The following TP73 variants were observed in gnomAD, a reference collection of about 807,000 sequenced individuals.
TP73 encodes p53-like transcription factor.
Under a neutral mutation model 62.5 loss-of-function variants are expected in TP73, and 25 were observed. The observed-to-expected ratio is 0.40, with a 90% CI of 0.29 to 0.56. The LOEUF is 0.56. TP73 is among the 20% of genes least tolerant of loss of function. The pLI, the probability that TP73 is intolerant of heterozygous loss-of-function variation, is 0.46. For synonymous variants in TP73, 423 were observed against 377.5 expected (o/e 1.12, Z -1.40); for missense variants, 754 against 913.3 (o/e 0.83, Z 2.25).
intron 1 of TP73, among the ~76,000 whole-genome samples, chr1:3,667,749 CA>C (rs543070938): frequency 0.24 from 20,607 of 85,244 alleles, 1,817 homozygotes; most frequent in African/African-American, 0.38. Context: ...GATTCTGTCT[CA>C]AAAAAAAAAA....
chr1:3,680,717 C>A (rs1389495148), intron 1 of TP73, among the ~76,000 whole-genome samples: 1 of 152,214 alleles, frequency 6.6e-6, no homozygotes, highest in Non-Finnish European at 1.5e-5. Context: ...CCAGCCTCAG[C>A]TGGACCTGCG....
chr1:3,729,436 T>A lies in TP73; in HGVS notation c.1184T>A (p.Leu395His), dbSNP rs2124533337. The A allele has an allele frequency of 1.9e-6, 3 of 1,612,706 alleles. No individual in the cohort carries two copies. Among genetic ancestry groups the A allele is most frequent in the Non-Finnish European group, 2.5e-6 (3 of 1,179,934 alleles). The stretch of plus-strand genomic sequence containing the variant: ...GACTCCTATCGGCAGCAGCAGCAGC[T>A]CCTACAGAGGCCGTGAGTCAGCCCT... ...LVDSYRQQQQ[L>H]LQRPSHLQPP... The change falls in exon 10 of 14, where the codon CTC becomes CAC. Residue 395 changes from leucine to histidine, a missense_variant. By Grantham distance (99) the Leu-to-His change is moderately conservative (BLOSUM62 -3). Coordinates refer to ENST00000378295, the MANE Select transcript of TP73 (RefSeq NM_005427.4).
intron 1 of TP73, among the ~76,000 whole-genome samples, chr1:3,656,729 C>T (rs986874476): frequency 6.6e-6 from 1 of 152,220 alleles, no homozygotes; most frequent in Admixed American, 6.5e-5. Flanking sequence ...CACCTAGGAC[C>T]GTGGAACATT....
intron 4 of TP73, among the ~76,000 whole-genome samples, chr1:3,718,669 G>A (rs1391716262): frequency 6.6e-6 from 1 of 152,152 alleles, no homozygotes; most frequent in Non-Finnish European, 1.5e-5. Context: ...CGCAGGCTTG[G>A]TTGCACCCAG....
At chr1:3,700,374 C>T (rs902365226) in intron 3 of TP73, among the ~76,000 whole-genome samples, 1 of 152,198 alleles carries the variant, frequency 6.6e-6, no homozygotes, top group Non-Finnish European at 1.5e-5. Context: ...CGTGACCTCC[C>T]ATGCCTTGCT....
rs1433313277 is a variant in TP73 at position 3,666,635 on chromosome 1, C to CCT, written c.-34+13994_-34+13995insCT. 1.3e-5 allele frequency among the ~76,000 whole-genome samples: 2 copies of CCT among 152,142 alleles called. No individual in the cohort carries two copies. Among genetic ancestry groups the CCT allele is most frequent in the Admixed American group, 1.3e-4 (2 of 15,278 alleles). On this transcript the variant is annotated intron_variant, in intron 1 of 13. Coordinates refer to ENST00000378295, the MANE Select transcript of TP73 (RefSeq NM_005427.4). This position sits in a 1 kb window ranked among gnomAD's most constrained non-coding sequence, Gnocchi z 6.4. ...CTCCTGCCCACCTCCCTGGCCTTGG[C>CCT]TGCAGGCTAGGGTGCCCTTTGACCT...
intron 4 of TP73, among the ~76,000 whole-genome samples, chr1:3,715,359 G>A (rs948246236): frequency 6.6e-6 from 1 of 152,134 alleles, no homozygotes; most frequent in Admixed American, 6.5e-5. Context: ...CGTCTTCCTG[G>A]AACCCAGGGG....
At chr1:3,703,080 G>A (rs934253580) in intron 3 of TP73, among the ~76,000 whole-genome samples, 1 of 152,084 alleles carries the variant, frequency 6.6e-6, no homozygotes, top group African/African-American at 2.4e-5. Context: ...AGGCCTAAGG[G>A]GGAGGTCAGA....
intron 3 of TP73, among the ~76,000 whole-genome samples, chr1:3,692,695 C>T (rs1475984091): frequency 6.6e-6 from 1 of 152,230 alleles, no homozygotes; most frequent in East Asian, 1.9e-4. Flanking sequence ...AGTGTCGCTG[C>T]CTGGCCAGCC....
intron 1 of TP73, among the ~76,000 whole-genome samples, chr1:3,678,205 C>T (rs182061591): frequency 2.2e-3 from 340 of 152,284 alleles, no homozygotes; most frequent in Middle Eastern, 6.8e-3. Context: ...CCCTTGTGAA[C>T]GAATTTTCAA....
intron 3 of TP73, among the ~76,000 whole-genome samples, chr1:3,688,099 T>G (rs935688966): frequency 1.5e-4 from 23 of 152,036 alleles, no homozygotes; most frequent in Admixed American, 2.0e-4. Context: ...GATCTGTAGC[T>G]GGAGGAAGGG....
chr1:3,707,926 G>T (rs1639811319), intron 4 of TP73, 135 bp downstream of exon 4: 18 of 1,401,184 alleles, frequency 1.3e-5, no homozygotes, highest in Non-Finnish European at 1.7e-5. Context: ...CCCGGGCCAG[G>T]AGGAGCATCG....
At position 3,715,649 on chromosome 1, in the gene TP73, G is replaced by A. The variant is rs543673100; in HGVS notation, c.430-6372G>A. ...ACCCAGGTGCCCCATTCCCTGGCAG[G>A]TGGACAGCACTCACTGTCTCCCCAG... On this transcript the variant is annotated intron_variant, in intron 4 of 13. Coordinates refer to ENST00000378295, the MANE Select transcript of TP73 (RefSeq NM_005427.4). Among the ~76,000 whole-genome samples the A allele has an allele frequency of 7.2e-5, 11 of 152,280 alleles. No homozygotes were observed. In the East Asian group the frequency reaches 2.1e-3, roughly 29 times the overall value.
chr1:3,695,301 C>T (rs553647644), intron 3 of TP73, among the ~76,000 whole-genome samples: 2 of 152,338 alleles, frequency 1.3e-5, no homozygotes, highest in East Asian at 3.9e-4. Flanking sequence ...GTTCATGGCC[C>T]CTTGCCCCCC....
chr1:3,730,400 C>T (rs997317872), intron 11 of TP73, among the ~76,000 whole-genome samples: 2 of 152,208 alleles, frequency 1.3e-5, no homozygotes, highest in East Asian at 1.9e-4. Flanking sequence ...TCTTGGCAGG[C>T]GAGGGAGCTT....
At chr1:3,710,346 C>T (rs1034639857) in intron 4 of TP73, among the ~76,000 whole-genome samples, 1 of 152,162 alleles carries the variant, frequency 6.6e-6, no homozygotes, top group Non-Finnish European at 1.5e-5. Flanking sequence ...GGCCAGAACC[C>T]CCTCCACCAG....
chr1:3,702,592 A>G (rs1296125889), intron 3 of TP73, among the ~76,000 whole-genome samples: 2 of 152,170 alleles, frequency 1.3e-5, no homozygotes, highest in African/African-American at 4.8e-5. Flanking sequence ...TGGGGGCTGC[A>G]GTATTTCCCC....
At chr1:3,704,835 G>A (rs760761311) in intron 3 of TP73, among the ~76,000 whole-genome samples, 3 of 152,216 alleles carry the variant, frequency 2.0e-5, no homozygotes, top group African/African-American at 7.2e-5. Flanking sequence ...CATGTGTGTA[G>A]CTGAGGCAGG....
At chr1:3,727,278 G>C (rs370269044) in intron 7 of TP73, 54 bp downstream of exon 7, 6 of 1,499,334 alleles carry the variant, frequency 4.0e-6, no homozygotes, top group South Asian at 1.2e-5. Flanking sequence ...AGGCACGGCC[G>C]GGGGAGAAGG....
Sources: allele counts gnomAD v4.1 joint callset (sites outside exome capture counted in the v4.1 genomes callset), GRCh38; gene constraint gnomAD v4.1.1; non-coding constraint Gnocchi (gnomAD v3.1); transcripts MANE v1.5; gene names NCBI Gene and HGNC (gene_info 2026-07-23, HGNC 2026-07-21).